Variants in EYS observed in about 807,000 individuals in gnomAD.
The protein encoded by EYS is protein eyes shut homolog.
A neutral mutation model predicts 282.1 loss-of-function variants in EYS; 250 were observed. The observed-to-expected ratio is 0.89, with a 90% CI of 0.80 to 0.98. The LOEUF is 0.98. Ranked by LOEUF, EYS falls within the 50% of genes least tolerant of loss-of-function variation. EYS has a pLI of 0.00. For missense variants in EYS, 4,016 were observed against 3,709.0 expected (o/e 1.08, Z -2.15); for synonymous variants, 1,355 against 1,282.9 (o/e 1.06, Z -1.20).
chr6:63,861,571 T>C (rs1772532135), intron 36 of EYS, among the ~76,000 whole-genome samples: 1 of 152,226 alleles, frequency 6.6e-6, no homozygotes, highest in South Asian at 2.1e-4. Context: ...TAGGCCCTGC[T>C]AACATTAGAT....
chr6:65,132,118 C>T (rs1026318644), intron 12 of EYS, among the ~76,000 whole-genome samples: 6 of 151,934 alleles, frequency 3.9e-5, no homozygotes, highest in Admixed American at 3.3e-4. Context: ...GATGGATTTA[C>T]AGCCAAATTC....
intron 29 of EYS, among the ~76,000 whole-genome samples, chr6:64,348,553 A>T (rs1394168498): frequency 6.6e-6 from 1 of 151,458 alleles, no homozygotes; most frequent in African/African-American, 2.4e-5. Context: ...TCGGAAGCCC[A>T]CTAGTTGAAG....
At chr6:64,092,773 C>T (rs1000572048) in intron 31 of EYS, among the ~76,000 whole-genome samples, 1 of 151,460 alleles carries the variant, frequency 6.6e-6, no homozygotes, top group African/African-American at 2.5e-5. Flanking sequence ...TCCCATTTGT[C>T]AATTTTGGCT....
chr6:64,295,497 A>AAGAAGAAGAAG (rs1554140736), intron 30 of EYS, among the ~76,000 whole-genome samples: 1 of 36,766 alleles, frequency 2.7e-5, no homozygotes. Context: ...GAAGAAGAAG[A>AAGAAGAAGAAG]AAGAAGAAAG....
chr6:64,339,505 G>A (rs1582621865), intron 29 of EYS, among the ~76,000 whole-genome samples: 1 of 151,784 alleles, frequency 6.6e-6, no homozygotes, highest in East Asian at 1.9e-4. Context: ...GTGATGATCA[G>A]GGAACACTTC....
At chr6:65,363,616 T>C (rs1220076030) in intron 8 of EYS, among the ~76,000 whole-genome samples, 3 of 151,910 alleles carry the variant, frequency 2.0e-5, no homozygotes, top group Non-Finnish European at 4.4e-5. Flanking sequence ...ACTTTAATAT[T>C]CTTTTTAATT....
chr6:64,004,431 C>A (rs1018494347), intron 33 of EYS, among the ~76,000 whole-genome samples: 7 of 151,318 alleles, frequency 4.6e-5, no homozygotes, highest in Non-Finnish European at 1.0e-4. Flanking sequence ...AAATAAGGAG[C>A]AATAAGTATT....
chr6:64,782,506 AAAT>A (rs1327073079), intron 22 of EYS, among the ~76,000 whole-genome samples: 2 of 152,222 alleles, frequency 1.3e-5, no homozygotes, highest in Admixed American at 1.3e-4. Flanking sequence ...GCTTTCCTTT[AAAT>A]AATATTTAAT....
chr6:65,353,335 T>G lies in EYS; in HGVS notation c.1459+123A>C, dbSNP rs1368179845. ...ACATTAGAAAATAAGAGTATTAATT[T>G]TATTTTTAGTTTATATTACGTTTTG... On this transcript the variant is annotated intron_variant, in intron 9 of 42. Coordinates refer to ENST00000503581, the MANE Select transcript of EYS (RefSeq NM_001142800.2). 4 of 814,004 alleles carry G rather than the reference T, an allele frequency of 4.9e-6. No individual in the cohort carries two copies. In the East Asian group the frequency reaches 1.1e-4, roughly 22 times the overall value. 50.4% of individuals were successfully genotyped at this position (814,004 alleles called of 1,614,324 possible). A position where few individuals can be genotyped will look rare whatever the true frequency, so the allele number is the denominator to read the frequency against.
At chr6:65,169,991 G>A (rs1318142779) in intron 12 of EYS, among the ~76,000 whole-genome samples, 2 of 151,534 alleles carry the variant, frequency 1.3e-5, no homozygotes, top group Non-Finnish European at 3.0e-5. Context: ...ACAGATTATT[G>A]TAGTGCAATC....
chr6:64,172,720 CTG>C (rs1336994132), intron 31 of EYS, among the ~76,000 whole-genome samples: 9 of 152,114 alleles, frequency 5.9e-5, no homozygotes, highest in Non-Finnish European at 1.2e-4. Context: ...AGAATCATAA[CTG>C]AGATGTTGTT....
intron 35 of EYS, among the ~76,000 whole-genome samples, chr6:63,954,486 C>T (rs551310654): frequency 2.0e-5 from 3 of 152,282 alleles, no homozygotes; most frequent in Admixed American, 1.3e-4. Context: ...GAAATTTCCT[C>T]ACTATGTAAG....
At chr6:65,511,098 T>C (rs1041284775) in intron 2 of EYS, among the ~76,000 whole-genome samples, 4 of 152,218 alleles carry the variant, frequency 2.6e-5, no homozygotes, top group African/African-American at 9.6e-5. Flanking sequence ...ATTCTCACAG[T>C]CGTGCAATAA....
rs181179128 is a variant in EYS, at chr6:64,407,162, G to A, written c.5928-18322C>T. On this transcript the variant is annotated intron_variant, in intron 28 of 42. Coordinates refer to ENST00000503581, the MANE Select transcript of EYS (RefSeq NM_001142800.2). The stretch of plus-strand genomic sequence containing the variant: ...TGTCCTTTGCAGGGACATGGATGGA[G>A]CAGGAAACCATCATTCTCAGCAAGC... Among the ~76,000 whole-genome samples the A allele has an allele frequency of 2.2e-3, 334 of 152,288 alleles. 1 individual carries two copies. Among genetic ancestry groups the A allele is most frequent in the Non-Finnish European group, 4.0e-3 (271 of 68,028 alleles).
intron 5 of EYS, among the ~76,000 whole-genome samples, chr6:65,480,599 T>C (rs1188720945): frequency 6.6e-6 from 1 of 152,126 alleles, no homozygotes; most frequent in African/African-American, 2.4e-5. Flanking sequence ...GCATATTAAA[T>C]AGTAGTTAAA....
chr6:64,962,795 G>C (rs564469262), intron 14 of EYS, among the ~76,000 whole-genome samples: 26 of 151,910 alleles, frequency 1.7e-4, no homozygotes, highest in Non-Finnish European at 3.2e-4. Context: ...TAGAACAAGT[G>C]CACCAAATTC....
intron 12 of EYS, among the ~76,000 whole-genome samples, chr6:65,216,090 T>A (rs1222987006): frequency 1.3e-5 from 2 of 152,130 alleles, no homozygotes; most frequent in Non-Finnish European, 2.9e-5. Context: ...TACTTACATA[T>A]AAAGTGTTCT....
At chr6:65,428,991 T>C (rs1208142655) in intron 5 of EYS, among the ~76,000 whole-genome samples, 1 of 151,932 alleles carries the variant, frequency 6.6e-6, no homozygotes, top group Non-Finnish European at 1.5e-5. Context: ...GAGACCAGCC[T>C]GACAAACATG....
intron 2 of EYS, among the ~76,000 whole-genome samples, chr6:65,577,336 T>A (rs781617887): frequency 1.3e-5 from 2 of 151,768 alleles, no homozygotes; most frequent in Non-Finnish European, 3.0e-5. Flanking sequence ...AATGAGGAAA[T>A]GACAGTCTTT....
Sources: allele counts gnomAD v4.1 joint callset (sites outside exome capture counted in the v4.1 genomes callset), GRCh38; gene constraint gnomAD v4.1.1; transcripts MANE v1.5; gene names NCBI Gene and HGNC (gene_info 2026-07-23, HGNC 2026-07-21).